FAF1: variants seen among roughly 807,000 people sequenced by gnomAD.
The protein encoded by FAF1 is FAS-associated factor 1.
A neutral mutation model predicts 92.5 loss-of-function variants in FAF1; 25 were observed. That is an observed-to-expected ratio of 0.27 (90% CI 0.20 to 0.38). FAF1 has a LOEUF of 0.38. Ranked by LOEUF, FAF1 falls within the 10% of genes least tolerant of loss-of-function variation. The pLI, the probability that FAF1 is intolerant of heterozygous loss-of-function variation, is 1.00. For synonymous variants in FAF1, 234 were observed against 273.2 expected (o/e 0.86, Z 1.42); for missense variants, 636 against 793.3 (o/e 0.80, Z 2.38).
chr1:50,846,720 G>T, intron 2 of FAF1: 1 of 632,604 alleles, frequency 1.6e-6, no homozygotes. Flanking sequence ...TTCTCCAAAC[G>T]TAGATGTGAT....
rs1010154148 is a variant in FAF1 at position 50,438,626 on chromosome 1, C to A, written c.*2814G>T. Reference sequence around the variant, plus strand: ...ATGCTGTTGTGGAGAGAATTAAGACCCTCTCCCACATTCAAATGAAAAAGT... The same window carrying A: ...ATGCTGTTGTGGAGAGAATTAAGACACTCTCCCACATTCAAATGAAAAAGT... On this transcript the variant is annotated 3_prime_UTR_variant, in exon 19 of 19. Coordinates refer to ENST00000396153, the MANE Select transcript of FAF1 (RefSeq NM_007051.3). 1 of 152,082 alleles carries A rather than the reference C, an allele frequency of 6.6e-6. No individual in the cohort carries two copies. Among genetic ancestry groups the A allele is most frequent in the Non-Finnish European group, 1.5e-5 (1 of 68,026 alleles). 9.4% of individuals were successfully genotyped at this position (152,082 alleles called of 1,614,324 possible).
intron 1 of FAF1, among the ~76,000 whole-genome samples, chr1:50,914,730 G>C (rs562126705): frequency 6.6e-6 from 1 of 152,040 alleles, no homozygotes; most frequent in African/African-American, 2.4e-5. Flanking sequence ...AAAAGCAATA[G>C]AAGGGACAAT....
At chr1:50,604,216 C>T (rs1050344658) in intron 8 of FAF1, among the ~76,000 whole-genome samples, 2 of 152,104 alleles carry the variant, frequency 1.3e-5, no homozygotes, top group Non-Finnish European at 2.9e-5. Flanking sequence ...AGTGCTACTG[C>T]CATATCTTCC....
intron 4 of FAF1, among the ~76,000 whole-genome samples, chr1:50,751,559 G>C (rs1477383735): frequency 6.6e-6 from 1 of 152,118 alleles, no homozygotes; most frequent in Non-Finnish European, 1.5e-5. Context: ...GGCCAGACTG[G>C]TCTTGAACTC....
chr1:50,696,779 C>G (rs1332149497), intron 7 of FAF1, among the ~76,000 whole-genome samples: 1 of 152,158 alleles, frequency 6.6e-6, no homozygotes, highest in Non-Finnish European at 1.5e-5. Flanking sequence ...TTCCTTCATT[C>G]TTTTCCATCA....
chr1:50,576,429 C>T (rs996566461), intron 12 of FAF1, among the ~76,000 whole-genome samples: 16 of 152,108 alleles, frequency 1.1e-4, no homozygotes, highest in African/African-American at 3.9e-4. Context: ...CTCAGACTCC[C>T]AAAGGGATGC....
chr1:50,449,037 T>C (rs2148978078), intron 18 of FAF1, among the ~76,000 whole-genome samples: 1 of 152,074 alleles, frequency 6.6e-6, no homozygotes, highest in East Asian at 1.9e-4. Context: ...ATTTCCCATC[T>C]GTAACATAAA....
chr1:50,850,484 A>G (rs1484613936), intron 2 of FAF1, among the ~76,000 whole-genome samples: 1 of 152,210 alleles, frequency 6.6e-6, no homozygotes, highest in Non-Finnish European at 1.5e-5. Context: ...TTTACCACAT[A>G]GATAAATTTT....
chr1:50,607,989 T>A (rs1271293873), intron 8 of FAF1, among the ~76,000 whole-genome samples: 1 of 152,210 alleles, frequency 6.6e-6, no homozygotes, highest in Non-Finnish European at 1.5e-5. Context: ...ACAGCAACTT[T>A]TATTGAAGTG....
At chr1:50,526,439 T>A (rs1040068220) in intron 15 of FAF1, among the ~76,000 whole-genome samples, 1 of 146,544 alleles carries the variant, frequency 6.8e-6, no homozygotes, top group African/African-American at 2.7e-5. Flanking sequence ...CTATTAAAAA[T>A]AATAATAATA....
At chr1:50,554,390 T>TATATATATATATAGAGAGAG in intron 13 of FAF1, among the ~76,000 whole-genome samples, 6 of 93,700 alleles carry the variant, frequency 6.4e-5, no homozygotes, top group African/African-American at 2.4e-4. Flanking sequence ...TATATATATA[T>TATATATATATATAGAGAGAG]AGAGAGAGAG....
chr1:50,797,648 G>A (rs1393559352), intron 3 of FAF1, among the ~76,000 whole-genome samples: 3 of 152,108 alleles, frequency 2.0e-5, no homozygotes, highest in Non-Finnish European at 4.4e-5. Context: ...GCAGGAGGCT[G>A]TGATTGTGCC....
chr1:50,726,462 C>G (rs531871776), intron 6 of FAF1, among the ~76,000 whole-genome samples: 3 of 150,872 alleles, frequency 2.0e-5, no homozygotes, highest in South Asian at 4.2e-4. Flanking sequence ...TTTGGGTGGC[C>G]GAGGCGGACA....
At chr1:50,554,498 T>C (rs1237749547) in intron 13 of FAF1, among the ~76,000 whole-genome samples, 1 of 151,700 alleles carries the variant, frequency 6.6e-6, no homozygotes, top group Non-Finnish European at 1.5e-5. Flanking sequence ...GTTGTCATCA[T>C]GTAGTTTGGC....
intron 2 of FAF1, among the ~76,000 whole-genome samples, chr1:50,838,374 A>T (rs1250981070): frequency 1.3e-5 from 2 of 151,202 alleles, no homozygotes; most frequent in East Asian, 3.9e-4. Flanking sequence ...TTAACTTATA[A>T]TTTTACATGT....
At chr1:50,565,002 A>C (rs546212233) in intron 13 of FAF1, among the ~76,000 whole-genome samples, 1 of 151,956 alleles carries the variant, frequency 6.6e-6, no homozygotes, top group African/African-American at 2.4e-5. Context: ...TTTTAAAAAA[A>C]CTTTTATGTT....
chr1:50,920,027 C>G (rs1644950444), intron 1 of FAF1, among the ~76,000 whole-genome samples: 1 of 152,060 alleles, frequency 6.6e-6, no homozygotes, highest in Admixed American at 6.6e-5. Flanking sequence ...GCAGGCCAGG[C>G]AGTGGCTCAC....
chr1:50,621,383 CTTTTT>C (rs1055594541), intron 8 of FAF1, among the ~76,000 whole-genome samples: 1 of 110,734 alleles, frequency 9.0e-6, no homozygotes, highest in African/African-American at 3.6e-5. Flanking sequence ...CCCGATCTTT[CTTTTT>C]TTCTTTTTTT....
Position 50,960,172 on chromosome 1 carries a change from GGGGCGGGGAAACCGAGCGAGCGAGC to G in FAF1, c.-386_-362del. The G allele has an allele frequency of 3.2e-6, 1 of 314,838 alleles. No homozygotes were observed. Among genetic ancestry groups the G allele is most frequent in the Non-Finnish European group, 5.9e-6 (1 of 170,668 alleles). The allele number at this position is 314,838 out of a possible 1,614,324, so 19.5% of individuals were successfully genotyped here. ...ACCTTCAGCGGCGTTAAGCCCGGCG[GGGGCGGGGAAACCGAGCGAGCGAGC>G]GGGCGGGCGAACGCCGCGGCCGCCT... is the stretch of plus-strand genomic sequence containing the variant. On this transcript the variant is annotated 5_prime_UTR_variant, in exon 1 of 19. Transcript: ENST00000396153.
Sources: allele counts gnomAD v4.1 joint callset (sites outside exome capture counted in the v4.1 genomes callset), GRCh38; gene constraint gnomAD v4.1.1; transcripts MANE v1.5; gene names NCBI Gene and HGNC (gene_info 2026-07-23, HGNC 2026-07-21).